ADAM18: variants seen among roughly 807,000 people sequenced by gnomAD.
ADAM18 encodes ADAM metallopeptidase domain 18.
ADAM18 carries 117 observed loss-of-function variants against 94.4 expected under a neutral mutation model. That is an observed-to-expected ratio of 1.24 (90% CI 1.07 to 1.45). The LOEUF (loss-of-function observed/expected upper bound fraction) is 1.45. Among genes scored for constraint, ADAM18 ranks in the 40% most tolerant of loss-of-function variants. ADAM18 has a pLI of 0.00. For synonymous variants in ADAM18, 327 were observed against 291.6 expected, an observed-to-expected ratio of 1.12 and a Z score of -1.24; for missense variants, 936 against 880.0, an observed-to-expected ratio of 1.06 and a Z score of -0.81.
chr8:39,610,511 T>C lies in ADAM18; in HGVS notation c.345-18T>C. The stretch of plus-strand genomic sequence containing the variant: ...TGAGATTTTTATAACTATTTTCTTA[T>C]GCCTTCTAAATTTTCAGGGGATTTC... On this transcript the variant is annotated intron_variant, in intron 5 of 19. Transcript: ENST00000265707. 1 of 1,582,922 alleles carries C rather than the reference T, an allele frequency of 6.3e-7. No homozygotes were observed. Among genetic ancestry groups the C allele is most frequent in the Non-Finnish European group, 8.6e-7 (1 of 1,162,486 alleles).
intron 17 of ADAM18, among the ~76,000 whole-genome samples, chr8:39,699,443 T>C (rs897978476): frequency 6.6e-6 from 1 of 152,126 alleles, no homozygotes; most frequent in Non-Finnish European, 1.5e-5. Context: ...GTGAATTTCC[T>C]AAAGCTGAAT....
intron 16 of ADAM18, among the ~76,000 whole-genome samples, chr8:39,686,908 A>C (rs1028307975): frequency 4.6e-5 from 7 of 152,238 alleles, no homozygotes; most frequent in Admixed American, 2.6e-4. Context: ...ATTCATATGA[A>C]GCCAAGAGAT....
At chr8:39,679,027 G>A (rs1821367774) in intron 15 of ADAM18, among the ~76,000 whole-genome samples, 1 of 152,188 alleles carries the variant, frequency 6.6e-6, no homozygotes, top group Non-Finnish European at 1.5e-5. Context: ...TAGAAAGAGA[G>A]TGGAACCAAA....
intron 6 of ADAM18, among the ~76,000 whole-genome samples, chr8:39,622,553 T>G (rs1819644165): frequency 6.6e-6 from 1 of 151,874 alleles, no homozygotes; most frequent in Non-Finnish European, 1.5e-5. Flanking sequence ...CTTATGCAAT[T>G]TTTAATCATT....
At chr8:39,714,839 T>C (rs1822525787) in intron 18 of ADAM18, among the ~76,000 whole-genome samples, 1 of 152,112 alleles carries the variant, frequency 6.6e-6, no homozygotes, top group Non-Finnish European at 1.5e-5. Context: ...TGAAACATTG[T>C]TGAAAAAACA....
chr8:39,687,891 A>G (rs1349842703), intron 16 of ADAM18, among the ~76,000 whole-genome samples: 4 of 152,102 alleles, frequency 2.6e-5, no homozygotes, highest in African/African-American at 9.7e-5. Context: ...GTCTTCATTG[A>G]TTCATGTCTT....
At chr8:39,642,156 G>C (rs1820255265) in intron 10 of ADAM18, among the ~76,000 whole-genome samples, 1 of 152,102 alleles carries the variant, frequency 6.6e-6, no homozygotes. Context: ...ACAGATGCTA[G>C]ATATTAAACC....
chr8:39,603,444 A>T (rs1471390276), intron 2 of ADAM18, among the ~76,000 whole-genome samples: 1 of 152,194 alleles, frequency 6.6e-6, no homozygotes, highest in African/African-American at 2.4e-5. Flanking sequence ...GTACAACAGC[A>T]TGTGCTCGTT....
At chr8:39,613,534 C>T (rs1819344406) in intron 6 of ADAM18, among the ~76,000 whole-genome samples, 1 of 152,164 alleles carries the variant, frequency 6.6e-6, no homozygotes, top group Admixed American at 6.5e-5. Context: ...TCAGGAAGAA[C>T]CAGCACAAGA....
intron 6 of ADAM18, among the ~76,000 whole-genome samples, chr8:39,618,089 A>T (rs114907863): frequency 9.1e-4 from 138 of 152,372 alleles, no homozygotes; most frequent in African/African-American, 3.1e-3. Context: ...GACTGAAAGT[A>T]AATGGATGAA....
At chr8:39,595,877 T>G (rs1047718740) in intron 2 of ADAM18, among the ~76,000 whole-genome samples, 2 of 152,194 alleles carry the variant, frequency 1.3e-5, no homozygotes, top group Non-Finnish European at 2.9e-5. Context: ...CCTTCTTGTT[T>G]CCATTTCTCC....
At chr8:39,726,736 C>A (rs1209617875) in intron 19 of ADAM18, among the ~76,000 whole-genome samples, 3 of 152,074 alleles carry the variant, frequency 2.0e-5, no homozygotes, top group African/African-American at 7.2e-5. Flanking sequence ...AGATAAACAA[C>A]TTAGTTTCAG....
chr8:39,629,298 T>G (rs1819865323), intron 6 of ADAM18, 76 bp from the exon 7 acceptor site: 1 of 1,154,256 alleles, frequency 8.7e-7, no homozygotes, highest in Non-Finnish European at 1.2e-6. Context: ...TTTTTCGCTG[T>G]CTTTACATGT....
chr8:39,664,270 T>G (rs760909186), intron 13 of ADAM18, among the ~76,000 whole-genome samples: 7 of 152,230 alleles, frequency 4.6e-5, no homozygotes, highest in Non-Finnish European at 1.0e-4. Flanking sequence ...TTTTTGTCTT[T>G]ATTCCCTAAA....
At chr8:39,611,092 C>T (rs1053130618) in intron 6 of ADAM18, 1 of 999,102 alleles carries the variant, frequency 1.0e-6, no homozygotes, top group Non-Finnish European at 1.2e-6. Context: ...TGCATGTTGC[C>T]AGATGCTCTT....
chr8:39,654,974 C>T (rs969222188), intron 12 of ADAM18, among the ~76,000 whole-genome samples: 17 of 151,892 alleles, frequency 1.1e-4, no homozygotes, highest in Non-Finnish European at 2.2e-4. Flanking sequence ...TATTTTCTCC[C>T]ATTCTTTAGG....
chr8:39,663,444 A>T (rs1303051401), intron 12 of ADAM18, among the ~76,000 whole-genome samples: 1 of 149,288 alleles, frequency 6.7e-6, no homozygotes, highest in African/African-American at 2.5e-5. Context: ...AAAAAAAAGA[A>T]AAAAAATATC....
intron 12 of ADAM18, among the ~76,000 whole-genome samples, chr8:39,661,154 CTTTTTTT>C (rs34697066): frequency 3.4e-5 from 4 of 116,788 alleles, no homozygotes; most frequent in Non-Finnish European, 6.8e-5. Flanking sequence ...TCTTCTTCTT[CTTTTTTT>C]TTTTTTTTTT....
intron 12 of ADAM18, among the ~76,000 whole-genome samples, chr8:39,661,128 C>A (rs1344951590): frequency 4.8e-4 from 70 of 144,566 alleles, no homozygotes; most frequent in African/African-American, 1.6e-3. Context: ...AAAAAAAAAA[C>A]CAAAAAACAA....
Sources: allele counts gnomAD v4.1 joint callset (sites outside exome capture counted in the v4.1 genomes callset), GRCh38; gene constraint gnomAD v4.1.1; transcripts MANE v1.5; gene names NCBI Gene and HGNC (gene_info 2026-07-23, HGNC 2026-07-21).